Variants in KANSL1 observed in about 807,000 individuals in gnomAD.
KANSL1 encodes MLL1/MLL complex subunit KANSL1.
KANSL1 carries 22 observed loss-of-function variants against 103.6 expected under a neutral mutation model. The ratio of observed to expected loss-of-function variants is 0.21; its 90% CI spans 0.15 to 0.30. The LOEUF is 0.30. Ranked by LOEUF, KANSL1 falls within the 10% of genes least tolerant of loss-of-function variation. The pLI is 1.00. For synonymous variants in KANSL1, 600 were observed against 527.6 expected (o/e 1.14, Z -1.88); for missense variants, 1,337 against 1,399.8 (o/e 0.96, Z 0.72).
intron 6 of KANSL1, among the ~76,000 whole-genome samples, chr17:46,060,016 A>T (rs938059000): frequency 7.5e-5 from 11 of 147,282 alleles, no homozygotes; most frequent in Non-Finnish European, 1.5e-4. Context: ...TCTCAATAAA[A>T]TAATGAGATA....
Position 46,193,071 on chromosome 17 carries a change from C to T in KANSL1, c.-338G>A, listed in dbSNP as rs1486713917. On this transcript the variant is annotated 5_prime_UTR_variant, in exon 1 of 15. Coordinates refer to ENST00000432791, the MANE Select transcript of KANSL1 (RefSeq NM_015443.4). ...CGGCTGCTTTTTCTTCTCTTTCGGG[C>T]CCTTTCCCGGCCTTGCTCCGCACCG... The T allele has an allele frequency of 1.3e-5, 2 of 152,994 alleles. No homozygotes were observed. Among genetic ancestry groups the T allele is most frequent in the South Asian group, 2.1e-4 (1 of 4,856 alleles). The allele number at this position is 152,994 out of a possible 1,614,324, so 9.5% of individuals were successfully genotyped here.
In KANSL1 at chr17:46,031,569, C is replaced by A. The variant is rs770409760; in HGVS notation, c.3225G>T (p.Glu1075Asp). The A allele has an allele frequency of 6.2e-7, 1 of 1,614,156 alleles. No individual in the cohort carries two copies. The highest frequency in any genetic ancestry group is 1.1e-5 in the South Asian group (1 of 91,078). Residue 1075 changes from glutamate (E) to aspartate (D), a missense_variant, in exon 15 of 15, where the codon GAG becomes GAT. Physicochemically the swap from Glu to Asp is conservative, Grantham distance 45. Around this residue, in one of 2 missense-constraint regions of KANSL1, gnomAD observed 780 missense variants for 923.4 expected, o/e 0.84. Transcript: ENST00000432791. ...GAGGCGAGGTGGGCGCTGCCTCTGT[C>A]TCCCGGCCAGTCTTGCTGCCTGAGG... ...RRTSGSKTGR[E>D]TEAAPTSPPI...
chr17:46,157,080 T>C (rs990451088), intron 2 of KANSL1, among the ~76,000 whole-genome samples: 1 of 152,222 alleles, frequency 6.6e-6, no homozygotes, highest in Non-Finnish European at 1.5e-5. Flanking sequence ...TCCAAATAAT[T>C]AGAACCTTGA....
intron 2 of KANSL1, among the ~76,000 whole-genome samples, chr17:46,128,511 GA>G (rs145680308): frequency 2.6e-5 from 4 of 151,930 alleles, no homozygotes; most frequent in African/African-American, 7.3e-5. Flanking sequence ...GTGTTATAAA[GA>G]AAAAAAACAC....
chr17:46,222,858 TTTAA>T (rs1264580920), intron 1 of KANSL1: 1 of 146,866 alleles, frequency 6.8e-6, no homozygotes, highest in Non-Finnish European at 1.6e-5. Flanking sequence ...TTTGTTTTTA[TTTAA>T]TTTTTTTTTT....
At chr17:46,090,517 T>C (rs1252929604) in intron 3 of KANSL1, among the ~76,000 whole-genome samples, 1 of 152,258 alleles carries the variant, frequency 6.6e-6, no homozygotes, top group Non-Finnish European at 1.5e-5. Flanking sequence ...TCTATGATGT[T>C]GTATTTTACA....
At chr17:46,165,937 AC>A (rs1238117870) in intron 2 of KANSL1, among the ~76,000 whole-genome samples, 3 of 152,088 alleles carry the variant, frequency 2.0e-5, no homozygotes, top group Non-Finnish European at 4.4e-5. Flanking sequence ...GGGGCTAGGC[AC>A]AGTGGCTCTC....
intron 2 of KANSL1, among the ~76,000 whole-genome samples, chr17:46,146,990 T>C (rs1405578572): frequency 1.3e-5 from 2 of 152,182 alleles, no homozygotes; most frequent in South Asian, 2.1e-4. Context: ...GAAGAACTGC[T>C]TGAGCCCAGC....
In KANSL1 at chr17:46,039,131, A is replaced by G; in HGVS notation, c.2288T>C (p.Val763Ala). 6.2e-7 allele frequency: 1 copy of G among 1,612,060 alleles called. No homozygotes were observed. Among genetic ancestry groups the G allele is most frequent in the African/African-American group, 1.3e-5 (1 of 74,808 alleles). Residue 763 changes from valine to alanine, a missense_variant, in exon 9 of 15, where the codon GTG (valine) becomes GCG (alanine). Physicochemically the swap from Val to Ala is moderately conservative, Grantham distance 64. Transcript: ENST00000432791. ...DVGAVPMVER[V>A]TAPKAERLLN... The stretch of plus-strand genomic sequence containing the variant: ...CAAGCGCTCTGCTTTTGGCGCTGTC[A>G]CTCGCTCCACCATGGGCACGGCCCC...
chr17:46,091,536 C>G (rs2079388295), intron 3 of KANSL1, among the ~76,000 whole-genome samples: 1 of 152,168 alleles, frequency 6.6e-6, no homozygotes, highest in Non-Finnish European at 1.5e-5. Context: ...CACCGACTCA[C>G]CCAGAGCAAC....
intron 2 of KANSL1, among the ~76,000 whole-genome samples, chr17:46,146,826 C>A (rs1181683722): frequency 2.0e-5 from 2 of 100,260 alleles, no homozygotes; most frequent in Non-Finnish European, 5.0e-5. Context: ...GAGCGAGACT[C>A]CGTCTCAAAA....
chr17:46,170,844 G>T lies in KANSL1; in HGVS notation c.1289+11C>A. 1 of 1,583,868 alleles carries T rather than the reference G, an allele frequency of 6.3e-7. No homozygotes were observed. On this transcript the variant is annotated intron_variant, in intron 2 of 14. Transcript: ENST00000432791. Reference sequence around the variant, plus strand: ...TTCTCAAGAATGCTATCATGCATGAGGTCTACTCACAGGGGTACATGACGC... The same window carrying T: ...TTCTCAAGAATGCTATCATGCATGATGTCTACTCACAGGGGTACATGACGC...
intron 10 of KANSL1, chr17:46,038,032 C>G (rs2077200173): frequency 6.5e-6 from 1 of 154,128 alleles, no homozygotes; most frequent in Non-Finnish European, 1.4e-5. Flanking sequence ...TGCCTTCTCC[C>G]TTCCCTTCTC....
chr17:46,115,808 G>T (rs1419506358), intron 2 of KANSL1, among the ~76,000 whole-genome samples: 1 of 152,186 alleles, frequency 6.6e-6, no homozygotes, highest in East Asian at 1.9e-4. Context: ...ATTTACCCCA[G>T]AGATCTCTAG....
chr17:46,139,658 CCTGTTGCCTAA>C (rs1448118609), intron 2 of KANSL1, among the ~76,000 whole-genome samples: 1 of 152,160 alleles, frequency 6.6e-6, no homozygotes, highest in Non-Finnish European at 1.5e-5. Flanking sequence ...GTCTAGTACT[CCTGTTGCCTAA>C]CTGTAAAAAT....
chr17:46,214,836 G>C (rs1465409566), intron 1 of KANSL1, among the ~76,000 whole-genome samples: 1 of 152,238 alleles, frequency 6.6e-6, no homozygotes, highest in Non-Finnish European at 1.5e-5. Context: ...TTCAGAGATT[G>C]TCCCCTTACC....
At chr17:46,165,684 A>G (rs1005897352) in intron 2 of KANSL1, among the ~76,000 whole-genome samples, 11 of 150,160 alleles carry the variant, frequency 7.3e-5, no homozygotes, top group Non-Finnish European at 1.2e-4. Context: ...CTAATTTTTG[A>G]ATTTTTGGTA....
At position 46,206,466 on chromosome 17, in the gene KANSL1, C is replaced by T. The variant is rs139151928; in HGVS notation, c.-90+17205G>A. Reference sequence around the variant, plus strand: ...TTAAGCCAAGTGCTGTAGCTGACACCTATAATCCCAGCATTTGGGGAGGCT... The same window carrying T: ...TTAAGCCAAGTGCTGTAGCTGACACTTATAATCCCAGCATTTGGGGAGGCT... On this transcript the variant is annotated intron_variant, in intron 1 of 14. Transcript: ENST00000572904. Among the ~76,000 whole-genome samples the T allele has an allele frequency of 2.4e-3, 369 of 152,346 alleles. 2 individuals carry two copies. Among genetic ancestry groups the T allele is most frequent in the African/African-American group, 7.7e-3 (322 of 41,564 alleles).
rs574418144 is a variant in KANSL1, at chr17:46,193,137, AGGGC to A, written c.-408_-405del. On this transcript the variant is annotated 5_prime_UTR_variant, in exon 1 of 15. Coordinates refer to ENST00000432791, the MANE Select transcript of KANSL1 (RefSeq NM_015443.4). ...GGCTGGAGACCGCAGCCCGGCCGGG[AGGGC>A]GGGCGGGCGGGGGCAGAGAGTGAAA... 8 of 151,116 alleles carry A rather than the reference AGGGC, an allele frequency of 5.3e-5. No individual in the cohort carries two copies. The highest frequency in any genetic ancestry group is 1.3e-4 in the Admixed American group (2 of 15,196). 9.4% of individuals were successfully genotyped at this position (151,116 alleles called of 1,614,324 possible). A position where few individuals can be genotyped will look rare whatever the true frequency, so the allele number is the denominator to read the frequency against.
Sources: allele counts gnomAD v4.1 joint callset (sites outside exome capture counted in the v4.1 genomes callset), GRCh38; gene constraint gnomAD v4.1.1; regional missense constraint gnomAD v4.1.1; transcripts MANE v1.5; gene names NCBI Gene and HGNC (gene_info 2026-07-23, HGNC 2026-07-21).